ADGRE3: variants seen among roughly 807,000 people sequenced by gnomAD.
The protein encoded by ADGRE3 is adhesion G protein-coupled receptor E3.
ADGRE3 carries 88 observed loss-of-function variants against 80.1 expected under a neutral mutation model. The observed-to-expected ratio is 1.10, with a 90% CI of 0.93 to 1.31. The LOEUF (loss-of-function observed/expected upper bound fraction) is 1.31, where lower values mean the gene tolerates loss of function less well. ADGRE3 is among the 40% of genes most tolerant of loss of function. The pLI, the probability that ADGRE3 is intolerant of heterozygous loss-of-function variation, is 0.00. For missense variants in ADGRE3, 715 were observed against 776.5 expected, an observed-to-expected ratio of 0.92 and a Z score of 0.94; for synonymous variants, 281 against 294.8, an observed-to-expected ratio of 0.95 and a Z score of 0.48.
intron 5 of ADGRE3, 38 bp from the exon 6 acceptor site, chr19:14,655,203 T>C (rs748810627): frequency 6.4e-7 from 1 of 1,564,350 alleles, no homozygotes; most frequent in Non-Finnish European, 8.7e-7. Context: ...TTTAAAAATG[T>C]AATCTGGTAA....
intron 4 of ADGRE3, 58 bp downstream of exon 4, chr19:14,661,905 A>C: frequency 6.3e-7 from 1 of 1,576,260 alleles, no homozygotes; most frequent in Non-Finnish European, 8.7e-7. Flanking sequence ...AAAACAAAAC[A>C]AACAAACAAA....
chr19:14,635,100 A>G (rs1369921924), intron 11 of ADGRE3, among the ~76,000 whole-genome samples: 1 of 151,698 alleles, frequency 6.6e-6, no homozygotes, highest in African/African-American at 2.4e-5. Context: ...ATTTTATTTT[A>G]TTTATATATT....
At chr19:14,645,092 T>C (rs1173884290) in intron 8 of ADGRE3, among the ~76,000 whole-genome samples, 2 of 151,712 alleles carry the variant, frequency 1.3e-5, no homozygotes, top group Non-Finnish European at 2.9e-5. Flanking sequence ...TTATGTAACA[T>C]AAAATAAAGC....
At position 14,627,631 on chromosome 19, in the gene ADGRE3, G is replaced by A. The variant is rs537351377; in HGVS notation, c.1813-2032C>T. 2.8e-4 allele frequency among the ~76,000 whole-genome samples: 42 copies of A among 151,602 alleles called. No homozygotes were observed. The East Asian group carries it at 6.7e-3, about 24-fold the overall frequency. ...TGACCTCAGATGATCTGCCTGCCTC[G>A]GCCTCCCAAAGTGCTGGGATTACAG... On this transcript the variant is annotated intron_variant, in intron 14 of 15. Coordinates refer to ENST00000253673, the MANE Select transcript of ADGRE3 (RefSeq NM_032571.5).
At chr19:14,621,974 G>T in intron 15 of ADGRE3, 1 of 1,020,638 alleles carries the variant, frequency 9.8e-7, no homozygotes. Flanking sequence ...CACAGGATCA[G>T]GTTGGACCGG....
the ADGRE3 span, among the ~76,000 whole-genome samples, chr19:14,611,590 C>G: frequency 6.6e-6 from 1 of 152,008 alleles, no homozygotes; most frequent in Non-Finnish European, 1.5e-5. Flanking sequence ...AGCAAGACCC[C>G]TACATAGTGT....
chr19:14,643,144 GTTTTTTT>G (rs373306807), intron 9 of ADGRE3, among the ~76,000 whole-genome samples: 9 of 124,060 alleles, frequency 7.3e-5, no homozygotes, highest in African/African-American at 1.2e-4. Flanking sequence ...AGTAATCATG[GTTTTTTT>G]TTTTTTTTTT....
chr19:14,659,822 G>GGA (rs576784578), intron 4 of ADGRE3, among the ~76,000 whole-genome samples: 3 of 44,840 alleles, frequency 6.7e-5, no homozygotes, highest in African/African-American at 2.7e-4. Context: ...CTCTGCCTCT[G>GGA]AAAAAAAAAA....
intron 13 of ADGRE3, 44 bp downstream of exon 13, chr19:14,632,877 G>T: frequency 2.3e-6 from 3 of 1,331,556 alleles, no homozygotes; most frequent in South Asian, 1.2e-5. Context: ...AGGAAGGACT[G>T]GCAGAAGGAA....
chr19:14,616,002 G>A (rs1162227731), downstream of ADGRE3, among the ~76,000 whole-genome samples: 5 of 143,496 alleles, frequency 3.5e-5, no homozygotes, highest in South Asian at 4.3e-4. Flanking sequence ...TTGCTCTGTC[G>A]CCCACTGTAA....
At chr19:14,645,168 G>T (rs1032204658) in intron 8 of ADGRE3, among the ~76,000 whole-genome samples, 1 of 151,484 alleles carries the variant, frequency 6.6e-6, no homozygotes, top group African/African-American at 2.4e-5. Flanking sequence ...CCCAACCATG[G>T]GAGGAAAAAA....
Position 14,630,217 on chromosome 19 carries a change from G to A in ADGRE3, c.1644-10C>T, listed in dbSNP as rs748068329. The A allele has an allele frequency of 6.3e-7, 1 of 1,593,860 alleles. No individual in the cohort carries two copies. The highest frequency in any genetic ancestry group is 1.1e-5 in the South Asian group (1 of 88,820). On this transcript the variant is annotated splice_polypyrimidine_tract_variant and intron_variant, in intron 13 of 15. Transcript: ENST00000253673. ...TTTGAAAGCCAGCATCCTGGGAGGA[G>A]GAAGTCAGAGATTAGGATGTCAAAA...
intron 7 of ADGRE3, among the ~76,000 whole-genome samples, chr19:14,650,104 ATCCCTCTCCT>A (rs1971545980): frequency 2.0e-5 from 2 of 101,282 alleles, no homozygotes; most frequent in African/African-American, 4.0e-5. Context: ...CTCTCTTTCC[ATCCCTCTCCT>A]CATCTCTCTC....
chr19:14,667,024 G>C (rs148400649), intron 2 of ADGRE3, among the ~76,000 whole-genome samples: 66 of 152,302 alleles, frequency 4.3e-4, no homozygotes, highest in African/African-American at 1.5e-3. Flanking sequence ...TACTGGAGTA[G>C]GGTGGGCGCA....
intron 2 of ADGRE3, among the ~76,000 whole-genome samples, chr19:14,667,118 C>T (rs1256986455): frequency 2.6e-5 from 4 of 152,080 alleles, no homozygotes; most frequent in Admixed American, 2.6e-4. Context: ...TGCTTATGGC[C>T]TCCAGAACTC....
At chr19:14,651,044 G>A in intron 7 of ADGRE3, 41 bp downstream of exon 7, 3 of 1,611,828 alleles carry the variant, frequency 1.9e-6, no homozygotes, top group Non-Finnish European at 2.5e-6. Context: ...ACAATGACAT[G>A]GCTCTGTGTG....
chr19:14,641,010 A>G (rs577343826), intron 10 of ADGRE3, among the ~76,000 whole-genome samples: 1 of 152,248 alleles, frequency 6.6e-6, no homozygotes, highest in Non-Finnish European at 1.5e-5. Context: ...GAGTAATACA[A>G]CCAATGATAC....
At chr19:14,607,036 T>C in the ADGRE3 span, 1 of 1,341,902 alleles carries the variant, frequency 7.5e-7, no homozygotes. Flanking sequence ...GTGTACTGGC[T>C]GGGGCTGAAT....
intron 15 of ADGRE3, among the ~76,000 whole-genome samples, chr19:14,620,388 A>ACATGTATATATGAATATATATGTATATT (rs753182342): frequency 0.14 from 6,437 of 47,608 alleles, 2,054 homozygotes; most frequent in East Asian, 0.46. Context: ...ATTCATATAT[A>ACATGTATATATGAATATATATGTATATT]CATGTATATA....
Sources: allele counts gnomAD v4.1 joint callset (sites outside exome capture counted in the v4.1 genomes callset), GRCh38; gene constraint gnomAD v4.1.1; transcripts MANE v1.5; gene names NCBI Gene and HGNC (gene_info 2026-07-23, HGNC 2026-07-21).